Variants in CDCP1 observed in about 807,000 individuals in gnomAD.
The protein encoded by CDCP1 is CUB domain containing protein 1.
A neutral mutation model predicts 60.2 loss-of-function variants in CDCP1; 29 were observed. The ratio of observed to expected loss-of-function variants is 0.48; its 90% CI spans 0.36 to 0.66. CDCP1 has a LOEUF of 0.66. CDCP1 is among the 30% of genes least tolerant of loss of function. The pLI, the probability that CDCP1 is intolerant of heterozygous loss-of-function variation, is 0.00. For synonymous variants in CDCP1, 387 were observed against 431.1 expected (o/e 0.90, Z 1.27); for missense variants, 876 against 1,074.3 (o/e 0.82, Z 2.58).
Position 45,084,664 on chromosome 3 carries a change from T to C in CDCP1, c.*974A>G, listed in dbSNP as rs552482884. The C allele has an allele frequency of 5.2e-5, 8 of 152,772 alleles. No homozygotes were observed. In the East Asian group the frequency reaches 1.5e-3, roughly 29 times the overall value. The allele number at this position is 152,772 out of a possible 1,614,324, so 9.5% of individuals were successfully genotyped here. A position where few individuals can be genotyped will look rare whatever the true frequency, so the allele number is the denominator to read the frequency against. ...TGATTTTCATTCAGGGACATCCATT[T>C]TGGAATTCTGATCCCCAGGACTATA... On this transcript the variant is annotated 3_prime_UTR_variant, in exon 9 of 9. Coordinates refer to ENST00000296129, the MANE Select transcript of CDCP1 (RefSeq NM_022842.5).
chr3:45,135,700 C>T (rs1469204341), intron 1 of CDCP1, among the ~76,000 whole-genome samples: 1 of 152,106 alleles, frequency 6.6e-6, no homozygotes, highest in Non-Finnish European at 1.5e-5. Flanking sequence ...CAGGGCCAAA[C>T]TCGGGGTTTT....
chr3:45,083,387 CTA>C lies in CDCP1; in HGVS notation c.*2249_*2250del, dbSNP rs1698134906. On this transcript the variant is annotated 3_prime_UTR_variant, in exon 9 of 9. Coordinates refer to ENST00000296129, the MANE Select transcript of CDCP1 (RefSeq NM_022842.5). Reference sequence around the variant, plus strand: ...CTTGCAGTACACGCCATTTAGGAGACTATAAAATTCCTTTCATTTATGCCATG... The same window carrying C: ...CTTGCAGTACACGCCATTTAGGAGACTAAAATTCCTTTCATTTATGCCATG... The C allele has an allele frequency of 6.6e-6, 1 of 152,202 alleles. No homozygotes were observed. Among genetic ancestry groups the C allele is most frequent in the African/African-American group, 2.4e-5 (1 of 41,448 alleles). 9.4% of individuals were successfully genotyped at this position (152,202 alleles called of 1,614,324 possible). A position where few individuals can be genotyped will look rare whatever the true frequency, so the allele number is the denominator to read the frequency against.
chr3:45,084,469 T>C lies in CDCP1; in HGVS notation c.*1169A>G, dbSNP rs1347191587. On this transcript the variant is annotated 3_prime_UTR_variant, in exon 9 of 9. Coordinates refer to ENST00000296129, the MANE Select transcript of CDCP1 (RefSeq NM_022842.5). ...TTATCCTGGATCTTCCTGGTGGGCT[T>C]TGTAAGTCAAAGAGGGAAGTGGGAG... 6.6e-6 allele frequency: 1 copy of C among 152,136 alleles called. No individual in the cohort carries two copies. Among genetic ancestry groups the C allele is most frequent in the Non-Finnish European group, 1.5e-5 (1 of 68,044 alleles). 9.4% of individuals were successfully genotyped at this position (152,136 alleles called of 1,614,324 possible).
At chr3:45,137,652 C>CAAAAAA (rs55725243) in intron 1 of CDCP1, among the ~76,000 whole-genome samples, 8 of 118,132 alleles carry the variant, frequency 6.8e-5, no homozygotes, top group Non-Finnish European at 1.2e-4. Context: ...ATTAAAAATA[C>CAAAAAA]AAAAAAAAAA....
chr3:45,094,857 C>T (rs1576080891), intron 5 of CDCP1, among the ~76,000 whole-genome samples: 2 of 151,936 alleles, frequency 1.3e-5, no homozygotes, highest in South Asian at 2.1e-4. Flanking sequence ...GCTGCAGGCT[C>T]TACCTGAGGC....
intron 1 of CDCP1, among the ~76,000 whole-genome samples, chr3:45,143,549 A>G (rs1471361330): frequency 6.6e-6 from 1 of 152,242 alleles, no homozygotes; most frequent in Non-Finnish European, 1.5e-5. Context: ...GCATACATAC[A>G]CATTAAGAAG....
intron 2 of CDCP1, among the ~76,000 whole-genome samples, chr3:45,115,997 G>C (rs1319225314): frequency 2.6e-5 from 4 of 152,068 alleles, no homozygotes; most frequent in Non-Finnish European, 5.9e-5. Flanking sequence ...TACTTATTAA[G>C]ATAATCTCTA....
intron 4 of CDCP1, 133 bp from the exon 5 acceptor site, chr3:45,095,701 C>A (rs1216863661): frequency 7.5e-6 from 5 of 666,766 alleles, no homozygotes; most frequent in Non-Finnish European, 1.3e-5. Flanking sequence ...GTTGGGAAAA[C>A]GTATTATTAA....
intron 2 of CDCP1, 102 bp downstream of exon 2, chr3:45,118,310 A>C (rs2126000327): frequency 1.2e-6 from 1 of 858,382 alleles, no homozygotes; most frequent in South Asian, 1.5e-5. Flanking sequence ...AATAGATCTT[A>C]GCTCTCTAGC....
At chr3:45,114,845 A>G (rs975141558) in intron 2 of CDCP1, among the ~76,000 whole-genome samples, 65 of 152,332 alleles carry the variant, frequency 4.3e-4, no homozygotes, top group African/African-American at 1.5e-3. Flanking sequence ...GACCTGATTC[A>G]GTGTCTAGAT....
intron 5 of CDCP1, among the ~76,000 whole-genome samples, chr3:45,094,254 C>T (rs1242230245): frequency 2.0e-5 from 3 of 151,316 alleles, no homozygotes; most frequent in African/African-American, 7.3e-5. Flanking sequence ...GAGACCGAGT[C>T]TCACTCTATT....
chr3:45,107,074 C>T (rs1419494985), intron 4 of CDCP1, among the ~76,000 whole-genome samples: 1 of 152,206 alleles, frequency 6.6e-6, no homozygotes, highest in African/African-American at 2.4e-5. Context: ...CAGCTGCGGT[C>T]CACTCTCCTG....
At chr3:45,103,931 T>C (rs939199317) in intron 4 of CDCP1, among the ~76,000 whole-genome samples, 1 of 152,242 alleles carries the variant, frequency 6.6e-6, no homozygotes, top group Non-Finnish European at 1.5e-5. Context: ...CTAAATGGAC[T>C]ATGAGAGTAG....
intron 1 of CDCP1, among the ~76,000 whole-genome samples, chr3:45,128,905 C>T (rs965892623): frequency 2.6e-5 from 4 of 152,054 alleles, no homozygotes; most frequent in African/African-American, 7.2e-5. Context: ...TTCAGTAGAA[C>T]GGGGTTTCAC....
chr3:45,105,762 A>C (rs1030270573), intron 4 of CDCP1, among the ~76,000 whole-genome samples: 2 of 152,208 alleles, frequency 1.3e-5, no homozygotes, highest in Non-Finnish European at 2.9e-5. Flanking sequence ...GGCCACTTGA[A>C]CCTTTAGAAA....
chr3:45,138,497 AGTTCGTTTTGT>A (rs1190242243), intron 1 of CDCP1, among the ~76,000 whole-genome samples: 15 of 152,252 alleles, frequency 9.9e-5, no homozygotes, highest in African/African-American at 3.4e-4. Flanking sequence ...AAAGTGTCTT[AGTTCGTTTTGT>A]GTTGCTATAA....
At chr3:45,126,964 G>A (rs758871343) in intron 1 of CDCP1, among the ~76,000 whole-genome samples, 2 of 152,132 alleles carry the variant, frequency 1.3e-5, no homozygotes, top group African/African-American at 2.4e-5. Context: ...ACCGGTGCCC[G>A]GGGCATGATA....
intron 4 of CDCP1, among the ~76,000 whole-genome samples, chr3:45,100,985 T>C (rs1698476990): frequency 6.6e-6 from 1 of 152,240 alleles, no homozygotes; most frequent in African/African-American, 2.4e-5. Context: ...AGGGTTTATT[T>C]CTTGTTCACT....
intron 4 of CDCP1, among the ~76,000 whole-genome samples, chr3:45,106,490 C>T (rs1297530486): frequency 6.6e-6 from 1 of 152,168 alleles, no homozygotes; most frequent in Non-Finnish European, 1.5e-5. Flanking sequence ...GCAACTGGCT[C>T]TTGAGCCACT....
Sources: gnomAD v4.1 joint callset for allele counts (sites outside exome capture counted in the v4.1 genomes callset) on GRCh38, gnomAD v4.1.1 for gene constraint, MANE v1.5 for transcripts, NCBI Gene and HGNC (gene_info 2026-07-23, HGNC 2026-07-21) for gene names.